C9orf85: variants seen among roughly 807,000 people sequenced by gnomAD.
C9orf85 encodes uncharacterized protein C9orf85.
A neutral mutation model predicts 14.9 loss-of-function variants in C9orf85; 16 were observed. The observed-to-expected ratio is 1.08, with a 90% CI of 0.73 to 1.63. The LOEUF is 1.63. Among genes scored for constraint, C9orf85 ranks in the 40% most tolerant of loss-of-function variants. The pLI is 0.00. For missense variants in C9orf85, 172 were observed against 186.1 expected (o/e 0.92, Z 0.44); for synonymous variants, 45 against 56.8 (o/e 0.79, Z 0.93).
At chr9:71,948,819 C>T (rs868580689) in intron 2 of C9orf85, among the ~76,000 whole-genome samples, 3 of 148,404 alleles carry the variant, frequency 2.0e-5, no homozygotes, top group Non-Finnish European at 3.0e-5. Context: ...CCACGCCCCC[C>T]CCCCCCCCTT....
downstream of C9orf85, chr9:71,983,932 T>C (rs1823155121): frequency 6.6e-6 from 1 of 152,164 alleles, no homozygotes; most frequent in Non-Finnish European, 1.5e-5. Flanking sequence ...TGTATGTAAA[T>C]AAACAAACAT....
chr9:71,983,797 C>T (rs577027394), downstream of C9orf85: 13 of 152,208 alleles, frequency 8.5e-5, no homozygotes, highest in South Asian at 1.2e-3. Flanking sequence ...GTATGTCCAA[C>T]GTGACAGGGG....
chr9:71,944,188 T>A (rs1412749747), intron 1 of C9orf85, among the ~76,000 whole-genome samples: 1 of 151,226 alleles, frequency 6.6e-6, no homozygotes, highest in Non-Finnish European at 1.5e-5. Context: ...GAGCTAAGAT[T>A]GCCCCACTGC....
intron 1 of C9orf85, among the ~76,000 whole-genome samples, chr9:71,930,803 C>CAAAAAAAAAA (rs747596247): frequency 4.9e-5 from 3 of 61,024 alleles, no homozygotes; most frequent in East Asian, 4.9e-4. Context: ...GACCCTGTCT[C>CAAAAAAAAAA]AAAAAAAAAA....
chr9:71,981,572 T>A (rs1215187836), intron 3 of C9orf85, among the ~76,000 whole-genome samples: 1 of 152,240 alleles, frequency 6.6e-6, no homozygotes, highest in Non-Finnish European at 1.5e-5. Flanking sequence ...ATTCTATATC[T>A]GCACTTAACA....
At chr9:71,978,596 G>A (rs564791607) in intron 3 of C9orf85, among the ~76,000 whole-genome samples, 34 of 152,256 alleles carry the variant, frequency 2.2e-4, no homozygotes, top group South Asian at 8.3e-4. Flanking sequence ...TATGGTGATA[G>A]ACATCAGAAT....
intron 2 of C9orf85, among the ~76,000 whole-genome samples, chr9:71,954,382 G>A (rs571716662): frequency 6.6e-6 from 1 of 152,062 alleles, no homozygotes; most frequent in Non-Finnish European, 1.5e-5. Context: ...TACAGGACAG[G>A]GGTCCCAATC....
chr9:71,969,347 G>A (rs1317359988), intron 2 of C9orf85, among the ~76,000 whole-genome samples: 1 of 151,986 alleles, frequency 6.6e-6, no homozygotes, highest in East Asian at 1.9e-4. Flanking sequence ...TCACTATGTT[G>A]GCTGGGCTGG....
chr9:71,920,170 G>C (rs1162605760), intron 1 of C9orf85, among the ~76,000 whole-genome samples: 2 of 151,990 alleles, frequency 1.3e-5, no homozygotes, highest in East Asian at 3.9e-4. Flanking sequence ...TCTTAATGTT[G>C]AGGCCTGATA....
At chr9:71,972,310 A>G (rs1822897117) in intron 3 of C9orf85, among the ~76,000 whole-genome samples, 1 of 152,032 alleles carries the variant, frequency 6.6e-6, no homozygotes, top group African/African-American at 2.4e-5. Context: ...TCCAGGCTAG[A>G]GTGCAATGGC....
intron 2 of C9orf85, among the ~76,000 whole-genome samples, chr9:71,947,789 G>A (rs1025212170): frequency 4.6e-5 from 7 of 152,052 alleles, no homozygotes; most frequent in Non-Finnish European, 8.8e-5. Flanking sequence ...CATTACAGGC[G>A]CCCACCACCA....
chr9:71,970,282 T>C (rs1205436574), intron 2 of C9orf85, among the ~76,000 whole-genome samples: 1 of 152,190 alleles, frequency 6.6e-6, no homozygotes, highest in Non-Finnish European at 1.5e-5. Flanking sequence ...TGAGGTTGGT[T>C]TCATGGCCCA....
rs542318551 is a variant in C9orf85, at chr9:71,945,107, CTG to C, written c.103-1895_103-1894del. Among the ~76,000 whole-genome samples, 566 of 152,258 alleles carry C rather than the reference CTG, an allele frequency of 3.7e-3. 3 individuals carry two copies. Among genetic ancestry groups the C allele is most frequent in the Middle Eastern group, 0.014 (4 of 294 alleles). On this transcript the variant is annotated intron_variant, in intron 1 of 3. Coordinates refer to ENST00000334731, the MANE Select transcript of C9orf85 (RefSeq NM_182505.5). Reference sequence around the variant, plus strand: ...AATAAAATTGCAGGTAGTGAAATGTCTGTGTTCTAAGAATGTTCCAATTAGGA... The same window carrying C: ...AATAAAATTGCAGGTAGTGAAATGTCTGTTCTAAGAATGTTCCAATTAGGA...
intron 1 of C9orf85, among the ~76,000 whole-genome samples, chr9:71,916,542 A>G (rs1042951900): frequency 7.9e-4 from 120 of 152,310 alleles, no homozygotes; most frequent in African/African-American, 2.7e-3. Context: ...TACCTATTGA[A>G]CTAATTTGTT....
chr9:71,912,175 TG>T lies in C9orf85; in HGVS notation c.102+341del, dbSNP rs147129688. Among the ~76,000 whole-genome samples the T allele has an allele frequency of 8.3e-3, 1,262 of 152,178 alleles. 18 individuals carry two copies. The highest frequency in any genetic ancestry group is 0.028 in the African/African-American group (1,171 of 41,512). ...AGGGAAACGAGGATTGTGGCATGAGTGGCTTTTTCAAATTTTACACCAAGTT... is the reference window on the plus strand; with the variant it reads ...AGGGAAACGAGGATTGTGGCATGAGTGCTTTTTCAAATTTTACACCAAGTT... On this transcript the variant is annotated intron_variant, in intron 1 of 3. Coordinates refer to ENST00000334731, the MANE Select transcript of C9orf85 (RefSeq NM_182505.5).
chr9:71,971,725 G>A (rs2132361997), intron 3 of C9orf85, 107 bp downstream of exon 3: 6 of 703,222 alleles, frequency 8.5e-6, no homozygotes, highest in Non-Finnish European at 1.4e-5. Context: ...TGTAATCCCA[G>A]TACTTTGGGA....
intron 1 of C9orf85, among the ~76,000 whole-genome samples, chr9:71,936,415 AG>A (rs1828193362): frequency 6.6e-6 from 1 of 151,988 alleles, no homozygotes; most frequent in East Asian, 2.0e-4. Context: ...CATCTTGAGA[AG>A]GAACAAATGG....
chr9:71,937,652 T>G (rs1828223773), intron 1 of C9orf85, among the ~76,000 whole-genome samples: 1 of 152,322 alleles, frequency 6.6e-6, no homozygotes, highest in South Asian at 2.1e-4. Context: ...ATTGGTGTTT[T>G]AAAAACTTGT....
intron 1 of C9orf85, among the ~76,000 whole-genome samples, chr9:71,930,025 A>C (rs759856002): frequency 2.0e-5 from 3 of 151,156 alleles, no homozygotes; most frequent in Non-Finnish European, 4.4e-5. Context: ...TAGCAGGGAG[A>C]ATTTTTATAC....
Sources: allele counts gnomAD v4.1 joint callset (sites outside exome capture counted in the v4.1 genomes callset), GRCh38; gene constraint gnomAD v4.1.1; transcripts MANE v1.5; gene names NCBI Gene and HGNC (gene_info 2026-07-23, HGNC 2026-07-21).